POM121: variants seen among roughly 807,000 people sequenced by gnomAD.
The protein encoded by POM121 is POM121 transmembrane nucleoporin, also known as nuclear envelope pore membrane protein POM 121.
In POM121, 32 loss-of-function variants were observed where a neutral mutation model predicts 81.3. The observed-to-expected ratio is 0.39, with a 90% CI of 0.30 to 0.53. The LOEUF is 0.53. Ranked by LOEUF, POM121 falls within the 20% of genes least tolerant of loss-of-function variation. The probability of loss-of-function intolerance (pLI) is 0.66; values close to 1 mark genes in which losing one functional copy is unlikely to be tolerated. For synonymous variants in POM121, 514 were observed against 694.2 expected (o/e 0.74, Z 4.08); for missense variants, 1,138 against 1,614.6 (o/e 0.70, Z 5.06).
chr7:72,944,779 T>G (rs1797500635), intron 11 of POM121, among the ~76,000 whole-genome samples: 1 of 147,400 alleles, frequency 6.8e-6, no homozygotes, highest in African/African-American at 2.5e-5. Context: ...GCTGCAGGAG[T>G]GGTGGCAGGG....
intron 3 of POM121, among the ~76,000 whole-genome samples, chr7:72,910,225 G>A (rs554602114): frequency 8.5e-5 from 13 of 152,320 alleles, no homozygotes; most frequent in Middle Eastern, 3.4e-3. Flanking sequence ...CTTCTTCCAA[G>A]TGTACTTTCC....
intron 5 of POM121, among the ~76,000 whole-genome samples, chr7:72,930,539 T>A (rs782063706): frequency 9.2e-5 from 14 of 152,244 alleles, no homozygotes; most frequent in Non-Finnish European, 1.9e-4. Flanking sequence ...AAAGGTAGAC[T>A]GAGTCCAGCT....
At chr7:72,888,167 A>T (rs190433961) in intron 1 of POM121, among the ~76,000 whole-genome samples, 2 of 150,384 alleles carry the variant, frequency 1.3e-5, no homozygotes, top group Non-Finnish European at 3.0e-5. Context: ...CCTGGCCTGG[A>T]TCCAGTTTTA....
intron 3 of POM121, among the ~76,000 whole-genome samples, chr7:72,912,064 G>T (rs1388907855): frequency 6.6e-6 from 1 of 152,144 alleles, no homozygotes; most frequent in Non-Finnish European, 1.5e-5. Flanking sequence ...GCTAGTTGTT[G>T]TTGTTTTGGT....
intron 3 of POM121, among the ~76,000 whole-genome samples, chr7:72,903,058 A>AT (rs1792863650): frequency 6.6e-6 from 1 of 151,322 alleles, no homozygotes; most frequent in African/African-American, 2.4e-5. Flanking sequence ...ATGGTTTGTA[A>AT]TTTTTTTTTG....
At chr7:72,902,477 C>T (rs557451673) in intron 3 of POM121, among the ~76,000 whole-genome samples, 1 of 151,608 alleles carries the variant, frequency 6.6e-6, no homozygotes, top group Middle Eastern at 3.4e-3. Flanking sequence ...TCAATAATTT[C>T]TATTTTTTTC....
chr7:72,936,234 C>T (rs1796491125), intron 5 of POM121, among the ~76,000 whole-genome samples: 1 of 151,946 alleles, frequency 6.6e-6, no homozygotes, highest in Non-Finnish European at 1.5e-5. Flanking sequence ...ACTATGTTAC[C>T]TAGGCTGGTC....
At chr7:72,938,446 C>G (rs1372299968) in intron 5 of POM121, 144 bp from the exon 6 acceptor site, 1 of 1,007,230 alleles carries the variant, frequency 9.9e-7, no homozygotes, top group African/African-American at 1.6e-5. Context: ...CCACCTTGGC[C>G]TCCCAGCATG....
Position 72,925,352 on chromosome 7 carries a change from C to T in POM121, c.231C>T (p.Arg77=). The change falls in exon 1 of 13, where the codon CGC becomes CGT. Residue 77 remains arginine, a synonymous_variant. Transcript: ENST00000434423. ...WGLSREPRGS[R]PLSSFVRKAR... Reference sequence around the variant, plus strand: ...TGAGCCGCGAGCCCCGAGGTTCGCGCCCCTTGTCCTCCTTCGTTCGGAAGG... The same window carrying T: ...TGAGCCGCGAGCCCCGAGGTTCGCGTCCCTTGTCCTCCTTCGTTCGGAAGG... The T allele has an allele frequency of 1.3e-6, 2 of 1,523,108 alleles. No homozygotes were observed. The highest frequency in any genetic ancestry group is 1.8e-6 in the Non-Finnish European group (2 of 1,137,086). 94.3% of individuals were successfully genotyped at this position (1,523,108 alleles called of 1,614,324 possible). A position where few individuals can be genotyped will look rare whatever the true frequency, so the allele number is the denominator to read the frequency against.
intron 1 of POM121, among the ~76,000 whole-genome samples, chr7:72,888,810 ATAATAT>A (rs1245569737): frequency 1.3e-5 from 2 of 151,948 alleles, no homozygotes; most frequent in Non-Finnish European, 2.9e-5. Flanking sequence ...TGTGTATATA[ATAATAT>A]TGATGTTAAT....
chr7:72,920,343 G>GTGT (rs1794682828), upstream of POM121, among the ~76,000 whole-genome samples: 1 of 143,672 alleles, frequency 7.0e-6, no homozygotes, highest in African/African-American at 2.7e-5. Flanking sequence ...TTGAGTAATG[G>GTGT]TCTTTTTTTT....
intron 3 of POM121, among the ~76,000 whole-genome samples, chr7:72,910,248 C>T (rs1473708247): frequency 6.6e-6 from 1 of 152,162 alleles, no homozygotes; most frequent in Admixed American, 6.6e-5. Flanking sequence ...CCCTTCCTTC[C>T]TTTCTTTACT....
intron 1 of POM121, among the ~76,000 whole-genome samples, chr7:72,887,376 T>G (rs1217059405): frequency 6.6e-6 from 1 of 152,116 alleles, no homozygotes; most frequent in African/African-American, 2.4e-5. Flanking sequence ...CTGCCCATTT[T>G]CCCATCCCAC....
At position 72,939,455 on chromosome 7, in the gene POM121, T is replaced by G. The variant is rs782231481; in HGVS notation, c.1441+46T>G. On this transcript the variant is annotated intron_variant, in intron 7 of 12. Coordinates refer to ENST00000434423, the MANE Select transcript of POM121 (RefSeq NM_001387691.1). ...GAGGGGCTGCTGTTGGTGGTGGAGG[T>G]GTTTGTGGAGGATGTAGAGATTAAT... 1.9e-6 allele frequency: 3 copies of G among 1,610,572 alleles called. No individual in the cohort carries two copies. The East Asian group carries it at 6.7e-5, about 36-fold the overall frequency.
At chr7:72,928,340 A>G (rs1554497940) in intron 3 of POM121, 45 bp from the exon 4 acceptor site, 2 of 1,611,914 alleles carry the variant, frequency 1.2e-6, no homozygotes, top group East Asian at 2.2e-5. Context: ...TAAAGGGACA[A>G]AAAAAGTCAT....
intron 3 of POM121, among the ~76,000 whole-genome samples, chr7:72,894,039 A>G (rs1791599030): frequency 6.6e-6 from 1 of 152,170 alleles, no homozygotes; most frequent in Non-Finnish European, 1.5e-5. Flanking sequence ...GGGGAGGCTG[A>G]GGCGGGTGGA....
In POM121 at chr7:72,880,116, A is replaced by G. The variant is rs540429519; in HGVS notation, c.-521+231A>G. Among the ~76,000 whole-genome samples the G allele has an allele frequency of 3.0e-3, 453 of 152,240 alleles. 2 individuals carry two copies. Among genetic ancestry groups the G allele is most frequent in the African/African-American group, 0.01 (423 of 41,552 alleles). ...GTCACCACCCTCAGCTGCGGACGTC[A>G]TCTCCACTCCCCGCTAACCCCTAAC... On this transcript the variant is annotated intron_variant, in intron 1 of 15. Transcript: ENST00000395270.
At position 72,925,529 on chromosome 7, in the gene POM121, C is replaced by A. The variant is rs1437304831; in HGVS notation, c.408C>A (p.Leu136=). Residue 136 remains leucine, a synonymous_variant, in exon 1 of 13, where the codon CTC becomes CTA. Transcript: ENST00000434423. ...LEGPDPAELL[L]MGSYLGKPGP... is the part of the protein sequence containing the mutation. ...GACCTGACCCTGCGGAACTGCTACT[C>A]ATGGGCAGTTACCTGGGCAAGCCCG... The A allele has an allele frequency of 2.6e-6, 4 of 1,533,234 alleles. No individual in the cohort carries two copies. In the East Asian group the frequency reaches 9.8e-5, roughly 37 times the overall value. The allele number at this position is 1,533,234 out of a possible 1,614,324, so 95.0% of individuals were successfully genotyped here. A position where few individuals can be genotyped will look rare whatever the true frequency, so the allele number is the denominator to read the frequency against.
At chr7:72,898,357 G>T (rs1455571681) in intron 3 of POM121, among the ~76,000 whole-genome samples, 4 of 152,298 alleles carry the variant, frequency 2.6e-5, no homozygotes, top group African/African-American at 9.6e-5. Flanking sequence ...ACCTCCCAAA[G>T]TGTTGGGATT....
Sources: allele counts gnomAD v4.1 joint callset (sites outside exome capture counted in the v4.1 genomes callset), GRCh38; gene constraint gnomAD v4.1.1; transcripts MANE v1.5; gene names NCBI Gene and HGNC (gene_info 2026-07-23, HGNC 2026-07-21).